MRPL1: variants seen among roughly 807,000 people sequenced by gnomAD.
The protein encoded by MRPL1 is large ribosomal subunit protein uL1m.
Under a neutral mutation model 38.0 loss-of-function variants are expected in MRPL1, and 28 were observed. The observed-to-expected ratio is 0.74, with a 90% confidence interval of 0.55 to 1.01. The LOEUF (loss-of-function observed/expected upper bound fraction) is 1.01, where lower values mean the gene tolerates loss of function less well. Ranked by LOEUF, MRPL1 falls within the 50% of genes least tolerant of loss-of-function variation. The pLI is 0.00. For missense variants in MRPL1, 358 were observed against 389.8 expected, an observed-to-expected ratio of 0.92 and a Z score of 0.69; for synonymous variants, 123 against 126.7, an observed-to-expected ratio of 0.97 and a Z score of 0.20.
At position 77,873,705 on chromosome 4, in the gene MRPL1, G is replaced by A. The variant is rs542805451; in HGVS notation, c.143+1850G>A. 1.8e-4 allele frequency among the ~76,000 whole-genome samples: 28 copies of A among 152,154 alleles called. No homozygotes were observed. In the South Asian group the frequency reaches 3.7e-3, roughly 20 times the overall value. On this transcript the variant is annotated intron_variant, in intron 2 of 8. Coordinates refer to ENST00000315567, the MANE Select transcript of MRPL1 (RefSeq NM_020236.4). The stretch of plus-strand genomic sequence containing the variant: ...TGAAGATGAACAAGGCACACATTCC[G>A]TTCCTCTGTCTTTGAGATTTTCACA...
intron 1 of MRPL1, among the ~76,000 whole-genome samples, chr4:77,863,461 A>AT (rs969402527): frequency 0.073 from 8,161 of 112,534 alleles, 640 homozygotes; most frequent in African/African-American, 0.11. Context: ...TTGTGCAACA[A>AT]TTTTTTTTTT....
intron 5 of MRPL1, among the ~76,000 whole-genome samples, chr4:77,893,711 G>A (rs1199788361): frequency 1.3e-5 from 2 of 152,112 alleles, no homozygotes. Flanking sequence ...AATTTAGGAA[G>A]CTAGTGGTTG....
intron 7 of MRPL1, among the ~76,000 whole-genome samples, chr4:77,945,383 C>T (rs1737235964): frequency 1.3e-5 from 2 of 151,984 alleles, no homozygotes; most frequent in Non-Finnish European, 2.9e-5. Context: ...CAGCAGTCCT[C>T]TCTTCAGTTT....
At chr4:77,899,144 C>T (rs1372576040) in intron 6 of MRPL1, among the ~76,000 whole-genome samples, 7 of 150,920 alleles carry the variant, frequency 4.6e-5, no homozygotes, top group Admixed American at 4.6e-4. Flanking sequence ...CAGGCATGTG[C>T]TGCCACGCCT....
intron 7 of MRPL1, among the ~76,000 whole-genome samples, chr4:77,935,903 G>A (rs1480935566): frequency 1.4e-5 from 2 of 145,558 alleles, no homozygotes; most frequent in African/African-American, 2.6e-5. Context: ...CTGCCCTCCA[G>A]CCTGGGCGAC....
chr4:77,887,106 T>C, intron 4 of MRPL1, 114 bp from the exon 5 acceptor site: 1 of 881,796 alleles, frequency 1.1e-6, no homozygotes, highest in Non-Finnish European at 1.8e-6. Context: ...CAATTAAAAA[T>C]AAAAGCTACA....
intron 2 of MRPL1, 72 bp from the exon 3 acceptor site, chr4:77,883,170 A>C: frequency 9.9e-7 from 1 of 1,014,896 alleles, no homozygotes; most frequent in Non-Finnish European, 1.4e-6. Flanking sequence ...TCTCTTATGT[A>C]CACTGGCTTT....
In MRPL1 at chr4:77,933,239, C is replaced by G. The variant is rs548977714; in HGVS notation, c.778-16558C>G. On this transcript the variant is annotated intron_variant, in intron 7 of 8. Transcript: ENST00000315567. ...GGATGAGAGGTGTGAGCCACCACAC[C>G]CAGCTAGAACCTGTCTTTATGTTTA... 1.0e-3 allele frequency among the ~76,000 whole-genome samples: 156 copies of G among 152,270 alleles called. 2 individuals are homozygous for G. The highest frequency in any genetic ancestry group is 3.6e-3 in the African/African-American group (149 of 41,552).
chr4:77,947,184 G>A (rs1368295182), intron 7 of MRPL1, among the ~76,000 whole-genome samples: 1 of 152,148 alleles, frequency 6.6e-6, no homozygotes, highest in Non-Finnish European at 1.5e-5. Flanking sequence ...GACATCTTTT[G>A]TAGAAGTCTT....
chr4:77,935,807 C>G (rs1027943675), intron 7 of MRPL1, among the ~76,000 whole-genome samples: 1 of 151,932 alleles, frequency 6.6e-6, no homozygotes, highest in African/African-American at 2.4e-5. Flanking sequence ...TGGTGCACAC[C>G]TGTAGTCCCA....
intron 7 of MRPL1, among the ~76,000 whole-genome samples, chr4:77,925,503 G>A (rs550445554): frequency 2.6e-5 from 4 of 151,606 alleles, no homozygotes; most frequent in Admixed American, 2.0e-4. Flanking sequence ...CACTATGCCC[G>A]GCTAAGTACT....
intron 4 of MRPL1, 130 bp from the exon 5 acceptor site, chr4:77,887,090 C>T (rs976460811): frequency 5.0e-5 from 39 of 781,070 alleles, no homozygotes; most frequent in Middle Eastern, 3.7e-4. Context: ...CATCCAGCCA[C>T]ATTTTCAATT....
In MRPL1 at chr4:77,887,303, T is replaced by A; in HGVS notation, c.558+12T>A. The A allele has an allele frequency of 6.2e-7, 1 of 1,601,542 alleles. No individual in the cohort carries two copies. Among genetic ancestry groups the A allele is most frequent in the Non-Finnish European group, 8.6e-7 (1 of 1,168,518 alleles). On this transcript the variant is annotated intron_variant, in intron 5 of 8. Coordinates refer to ENST00000315567, the MANE Select transcript of MRPL1 (RefSeq NM_020236.4). ...GTCTGATACAGAAGGTACAGTGTTG[T>A]TTTCATGTTCATTAAGTATAGAGAT...
At chr4:77,948,194 G>C (rs549420229) in intron 7 of MRPL1, among the ~76,000 whole-genome samples, 1 of 152,240 alleles carries the variant, frequency 6.6e-6, no homozygotes, top group African/African-American at 2.4e-5. Flanking sequence ...ATTTTAAGTA[G>C]GTATAGGTCT....
intron 7 of MRPL1, among the ~76,000 whole-genome samples, chr4:77,934,903 G>A (rs992456759): frequency 6.6e-6 from 1 of 152,178 alleles, no homozygotes; most frequent in East Asian, 1.9e-4. Context: ...AGAACATTTT[G>A]TTATGTGAAA....
intron 7 of MRPL1, among the ~76,000 whole-genome samples, chr4:77,920,574 A>G (rs1214178353): frequency 6.6e-6 from 1 of 152,224 alleles, no homozygotes; most frequent in African/African-American, 2.4e-5. Context: ...GAGAGACTAT[A>G]GGAACCTGCA....
At position 77,869,420 on chromosome 4, in the gene MRPL1, A is replaced by T. The variant is rs1400203040; in HGVS notation, c.32-2324A>T. Among the ~76,000 whole-genome samples the T allele has an allele frequency of 2.0e-5, 3 of 152,308 alleles. No homozygotes were observed. In the South Asian group the frequency reaches 6.2e-4, roughly 32 times the overall value. ...TAAAATAATACAGCTAGACAAATTG[A>T]CTACAAAAGGATTGAAAACATAGAT... On this transcript the variant is annotated intron_variant, in intron 1 of 8. Coordinates refer to ENST00000315567, the MANE Select transcript of MRPL1 (RefSeq NM_020236.4).
At chr4:77,938,457 GGTTCAA>G (rs1301099084) in intron 7 of MRPL1, among the ~76,000 whole-genome samples, 1 of 152,146 alleles carries the variant, frequency 6.6e-6, no homozygotes, top group Non-Finnish European at 1.5e-5. Context: ...CACTCCCTCT[GGTTCAA>G]ATTCAGTATT....
chr4:77,880,902 G>C (rs934492687), intron 2 of MRPL1, among the ~76,000 whole-genome samples: 1 of 152,192 alleles, frequency 6.6e-6, no homozygotes, highest in Non-Finnish European at 1.5e-5. Flanking sequence ...TAGTGCATCT[G>C]TAAGTTTGCA....
Sources: gnomAD v4.1 joint callset for allele counts (sites outside exome capture counted in the v4.1 genomes callset) on GRCh38, gnomAD v4.1.1 for gene constraint, MANE v1.5 for transcripts, NCBI Gene and HGNC (gene_info 2026-07-23, HGNC 2026-07-21) for gene names.